Variants in PDLIM5 observed in about 807,000 individuals in gnomAD.
PDLIM5 encodes the protein PDZ and LIM domain 5, also known as PDZ and LIM domain protein 5.
A neutral mutation model predicts 64.2 loss-of-function variants in PDLIM5; 34 were observed. The observed-to-expected ratio is 0.53, with a 90% CI of 0.40 to 0.71. The LOEUF (loss-of-function observed/expected upper bound fraction) is 0.71. PDLIM5 is among the 30% of genes least tolerant of loss of function. PDLIM5 has a pLI of 0.00. For synonymous variants in PDLIM5, 253 were observed against 269.1 expected, an observed-to-expected ratio of 0.94 and a Z score of 0.59; for missense variants, 683 against 733.6, an observed-to-expected ratio of 0.93 and a Z score of 0.80.
chr4:94,614,390 C>T (rs1161435708), intron 7 of PDLIM5, among the ~76,000 whole-genome samples: 2 of 152,112 alleles, frequency 1.3e-5, no homozygotes, highest in African/African-American at 2.4e-5. Context: ...GCTGGGATTA[C>T]AGGCATGAAC....
intron 2 of PDLIM5, among the ~76,000 whole-genome samples, chr4:94,523,317 A>G: frequency 6.6e-6 from 1 of 152,198 alleles, no homozygotes; most frequent in South Asian, 2.1e-4. Flanking sequence ...TACAGCTGTT[A>G]AAAGAGTTTT....
At chr4:94,585,971 A>C (rs1386350362) in intron 6 of PDLIM5, among the ~76,000 whole-genome samples, 1 of 152,146 alleles carries the variant, frequency 6.6e-6, no homozygotes, top group African/African-American at 2.4e-5. Context: ...TGAGTTCGAG[A>C]CCAGACTAGC....
chr4:94,603,652 C>T (rs1173698532), intron 7 of PDLIM5, among the ~76,000 whole-genome samples: 1 of 152,210 alleles, frequency 6.6e-6, no homozygotes, highest in Non-Finnish European at 1.5e-5. Context: ...TGCTTTTAAG[C>T]TAATTTTCTG....
intron 7 of PDLIM5, among the ~76,000 whole-genome samples, chr4:94,611,387 T>G (rs1738353663): frequency 6.6e-6 from 1 of 152,240 alleles, no homozygotes; most frequent in South Asian, 2.1e-4. Flanking sequence ...CCTATGATTA[T>G]TAACTCACCT....
chr4:94,662,851 GTGTT>G (rs1490435103), intron 12 of PDLIM5, among the ~76,000 whole-genome samples: 1 of 150,772 alleles, frequency 6.6e-6, no homozygotes, highest in African/African-American at 2.4e-5. Context: ...TGTTACTGGA[GTGTT>G]TGTTGTAGTT....
In PDLIM5 at chr4:94,462,815, A is replaced by G. The variant is rs536662235; in HGVS notation, c.96+7431A>G. Among the ~76,000 whole-genome samples the G allele has an allele frequency of 1.3e-5, 2 of 152,322 alleles. 1 individual carries two copies. The highest frequency in any genetic ancestry group is 4.1e-4 in the South Asian group (2 of 4,832). On this transcript the variant is annotated intron_variant, in intron 2 of 12. Transcript: ENST00000317968. ...TACCTATGCTAGCCTAAGTTTCAACAGACCTTGATCATTTCCAATCAGATG... is the reference window on the plus strand; with the variant it reads ...TACCTATGCTAGCCTAAGTTTCAACGGACCTTGATCATTTCCAATCAGATG...
At chr4:94,644,530 T>C (rs903679162) in intron 9 of PDLIM5, among the ~76,000 whole-genome samples, 21 of 137,284 alleles carry the variant, frequency 1.5e-4, no homozygotes, top group Admixed American at 6.0e-4. Flanking sequence ...TGCCAAGAAC[T>C]TTTTTTTTTT....
intron 2 of PDLIM5, among the ~76,000 whole-genome samples, chr4:94,468,156 A>G (rs1472656994): frequency 2.0e-5 from 3 of 151,564 alleles, no homozygotes; most frequent in Non-Finnish European, 4.4e-5. Context: ...TTTTCCCTCT[A>G]TGCACTTTTT....
chr4:94,469,437 C>G (rs1053642169), intron 2 of PDLIM5, among the ~76,000 whole-genome samples: 7 of 152,026 alleles, frequency 4.6e-5, no homozygotes, highest in East Asian at 3.9e-4. Context: ...ATTGCAGGCA[C>G]AGAGATTAGC....
intron 3 of PDLIM5, among the ~76,000 whole-genome samples, chr4:94,559,034 G>A (rs1234000173): frequency 6.6e-6 from 1 of 151,990 alleles, no homozygotes; most frequent in African/African-American, 2.4e-5. Flanking sequence ...GAAAATATAG[G>A]ATAAGGATTT....
intron 8 of PDLIM5, among the ~76,000 whole-genome samples, chr4:94,638,030 G>A (rs1022325645): frequency 6.6e-5 from 10 of 152,302 alleles, no homozygotes; most frequent in African/African-American, 2.2e-4. Context: ...CTGTGCCTGC[G>A]TGAGTGGGAG....
At chr4:94,489,301 G>A (rs960303330) in intron 2 of PDLIM5, among the ~76,000 whole-genome samples, 2 of 152,108 alleles carry the variant, frequency 1.3e-5, no homozygotes, top group Non-Finnish European at 2.9e-5. Flanking sequence ...GTGTGGGAAT[G>A]CTTGATGAAT....
At chr4:94,622,720 G>C (rs1399855985) in intron 8 of PDLIM5, among the ~76,000 whole-genome samples, 1 of 151,248 alleles carries the variant, frequency 6.6e-6, no homozygotes, top group Non-Finnish European at 1.5e-5. Flanking sequence ...GCCCAGGCTG[G>C]AGTACAGTGG....
chr4:94,620,930 G>A (rs543261847), intron 8 of PDLIM5, among the ~76,000 whole-genome samples: 1 of 150,876 alleles, frequency 6.6e-6, no homozygotes, highest in African/African-American at 2.5e-5. Context: ...AGTTAGCCAG[G>A]CGTGGTGGTG....
intron 2 of PDLIM5, among the ~76,000 whole-genome samples, chr4:94,466,030 C>T (rs965091505): frequency 7.2e-5 from 11 of 151,958 alleles, no homozygotes; most frequent in Non-Finnish European, 1.2e-4. Flanking sequence ...GGCACTGTCA[C>T]AGCTCACTAC....
At chr4:94,587,290 A>AAG in intron 7 of PDLIM5, 1 of 1,349,668 alleles carries the variant, frequency 7.4e-7, no homozygotes, top group Non-Finnish European at 9.4e-7. Context: ...AACCAAAAAA[A>AAG]AAAAAAAATA....
intron 11 of PDLIM5, among the ~76,000 whole-genome samples, chr4:94,661,898 G>A (rs550133283): frequency 1.5e-4 from 23 of 150,910 alleles, no homozygotes; most frequent in African/African-American, 5.1e-4. Flanking sequence ...TCAGCTCACT[G>A]AAACCTCCAC....
intron 8 of PDLIM5, among the ~76,000 whole-genome samples, chr4:94,622,263 T>A (rs1411762782): frequency 6.6e-6 from 1 of 150,634 alleles, no homozygotes. Context: ...GGATTCATCA[T>A]GTGTTTATGC....
chr4:94,478,719 C>T (rs1443343942), intron 2 of PDLIM5, among the ~76,000 whole-genome samples: 1 of 152,032 alleles, frequency 6.6e-6, no homozygotes, highest in East Asian at 1.9e-4. Context: ...TACAAATGTA[C>T]AGGTCATGGC....
Sources: gnomAD v4.1 joint callset for allele counts (sites outside exome capture counted in the v4.1 genomes callset) on GRCh38, gnomAD v4.1.1 for gene constraint, MANE v1.5 for transcripts, NCBI Gene and HGNC (gene_info 2026-07-23, HGNC 2026-07-21) for gene names.